Variants in STK39 observed in about 807,000 individuals in gnomAD.
STK39 encodes STE20/SPS1-related proline-alanine-rich protein kinase.
In STK39, 20 loss-of-function variants were observed where a neutral mutation model predicts 77.8. The ratio of observed to expected loss-of-function variants is 0.26; its 90% CI spans 0.18 to 0.37. The LOEUF (loss-of-function observed/expected upper bound fraction) is 0.37, where lower values mean the gene tolerates loss of function less well. Ranked by LOEUF, STK39 falls within the 10% of genes least tolerant of loss-of-function variation. The pLI is 1.00. For missense variants in STK39, 479 were observed against 656.5 expected (o/e 0.73, Z 2.95); for synonymous variants, 246 against 234.1 (o/e 1.05, Z -0.47).
At chr2:168,084,296 C>A (rs1686313431) in intron 10 of STK39, among the ~76,000 whole-genome samples, 1 of 152,180 alleles carries the variant, frequency 6.6e-6, no homozygotes, top group South Asian at 2.1e-4. Context: ...TCACTCCAGT[C>A]ACTACTGACA....
At chr2:168,191,053 C>T (rs923976139) in intron 1 of STK39, among the ~76,000 whole-genome samples, 2 of 152,196 alleles carry the variant, frequency 1.3e-5, no homozygotes, top group African/African-American at 4.8e-5. Flanking sequence ...TTCCTTACTG[C>T]TTCAACCTCA....
chr2:168,242,289 A>C (rs1418515118), intron 1 of STK39, among the ~76,000 whole-genome samples: 7 of 152,058 alleles, frequency 4.6e-5, no homozygotes, highest in Non-Finnish European at 4.4e-5. Context: ...GAGGCCGGGC[A>C]CAGTGACTCA....
chr2:168,004,468 C>T (rs751569834), intron 16 of STK39, among the ~76,000 whole-genome samples: 34 of 152,132 alleles, frequency 2.2e-4, no homozygotes, highest in Non-Finnish European at 3.8e-4. Flanking sequence ...CGCGTTGGCT[C>T]ACACCTGTAA....
chr2:168,025,636 A>C (rs545707320), intron 14 of STK39, among the ~76,000 whole-genome samples: 187 of 152,370 alleles, frequency 1.2e-3, no homozygotes, highest in South Asian at 3.9e-3. Flanking sequence ...GGGAGCTGCT[A>C]TTCAGGGAAT....
chr2:168,155,547 T>C (rs796641398), intron 5 of STK39, among the ~76,000 whole-genome samples: 23 of 152,118 alleles, frequency 1.5e-4, no homozygotes, highest in African/African-American at 5.6e-4. Context: ...TTCGGTTCAC[T>C]ATAAAGCACT....
intron 5 of STK39, among the ~76,000 whole-genome samples, chr2:168,159,695 G>A (rs1211025130): frequency 6.6e-6 from 1 of 152,132 alleles, no homozygotes; most frequent in East Asian, 1.9e-4. Context: ...GTACATTTAG[G>A]TGCCTGTCAA....
chr2:168,165,805 A>G (rs3769381), intron 3 of STK39, among the ~76,000 whole-genome samples: 17,583 of 151,804 alleles, frequency 0.12, 2,058 homozygotes, highest in East Asian at 0.32. Context: ...GAAAACATTA[A>G]AACACCTCCC....
intron 5 of STK39, among the ~76,000 whole-genome samples, chr2:168,140,999 A>G (rs1180396502): frequency 6.6e-6 from 1 of 152,140 alleles, no homozygotes; most frequent in Non-Finnish European, 1.5e-5. Flanking sequence ...TTAGCATACC[A>G]AATTAAATAT....
At chr2:168,084,607 C>T (rs536829900) in intron 10 of STK39, among the ~76,000 whole-genome samples, 3 of 152,158 alleles carry the variant, frequency 2.0e-5, no homozygotes, top group Non-Finnish European at 2.9e-5. Context: ...AAGTGGGAAG[C>T]GGAAATGCAC....
intron 16 of STK39, among the ~76,000 whole-genome samples, chr2:167,984,350 C>T (rs1005358374): frequency 6.6e-5 from 10 of 152,056 alleles, no homozygotes; most frequent in Non-Finnish European, 8.8e-5. Context: ...GGGTAGGATT[C>T]GAGAGGGAGG....
intron 8 of STK39, among the ~76,000 whole-genome samples, chr2:168,131,549 T>C (rs2105510747): frequency 6.6e-6 from 1 of 152,324 alleles, no homozygotes. Flanking sequence ...ACTGTGTAAG[T>C]CTACAGGGGC....
chr2:168,214,388 T>C (rs1410058769), intron 1 of STK39, among the ~76,000 whole-genome samples: 1 of 152,218 alleles, frequency 6.6e-6, no homozygotes, highest in Non-Finnish European at 1.5e-5. Flanking sequence ...ATATTCTGGA[T>C]AGTGTATCCA....
At chr2:168,109,522 T>G (rs904616496) in intron 10 of STK39, among the ~76,000 whole-genome samples, 1 of 152,220 alleles carries the variant, frequency 6.6e-6, no homozygotes, top group Non-Finnish European at 1.5e-5. Context: ...TGAAAATTAT[T>G]GCAAACATCT....
At position 168,083,945 on chromosome 2, in the gene STK39, T is replaced by G. The variant is rs376271774; in HGVS notation, c.1090-8714A>C. Among the ~76,000 whole-genome samples the G allele has an allele frequency of 1.1e-4, 17 of 152,066 alleles. No homozygotes were observed. In the East Asian group the frequency reaches 1.4e-3, roughly 12 times the overall value. The stretch of plus-strand genomic sequence containing the variant: ...CTGCCACAGGGAGACAGCCCCAGCA[T>G]AGCCAGATCTTCTGATTCTTCTAGA... On this transcript the variant is annotated intron_variant, in intron 10 of 17. Coordinates refer to ENST00000355999, the MANE Select transcript of STK39 (RefSeq NM_013233.3).
At chr2:168,143,342 G>GT (rs1405752083) in intron 5 of STK39, among the ~76,000 whole-genome samples, 1 of 152,170 alleles carries the variant, frequency 6.6e-6, no homozygotes, top group African/African-American at 2.4e-5. Context: ...AGCCTCCTAA[G>GT]TTCCCATCTC....
At chr2:168,026,005 G>A (rs1199843110) in intron 14 of STK39, among the ~76,000 whole-genome samples, 1 of 152,148 alleles carries the variant, frequency 6.6e-6, no homozygotes, top group Non-Finnish European at 1.5e-5. Context: ...GTAAAAAGGG[G>A]AAATAATGCT....
intron 5 of STK39, among the ~76,000 whole-genome samples, chr2:168,150,855 T>C (rs1345116095): frequency 2.0e-5 from 3 of 152,072 alleles, no homozygotes; most frequent in Admixed American, 6.5e-5. Context: ...CCCATCTTGC[T>C]TGGGAGAGAA....
intron 17 of STK39, among the ~76,000 whole-genome samples, chr2:167,956,728 T>TCCCCCCCCCC (rs1235889078): frequency 3.7e-5 from 2 of 53,566 alleles, no homozygotes; most frequent in Non-Finnish European, 6.8e-5. Context: ...TCTCTCTCTC[T>TCCCCCCCCCC]CCCCCCCCGC....
At chr2:168,164,655 C>T (rs1168907373) in intron 3 of STK39, among the ~76,000 whole-genome samples, 1 of 147,356 alleles carries the variant, frequency 6.8e-6, no homozygotes, top group Non-Finnish European at 1.5e-5. Context: ...GATCTGCCCA[C>T]CTTTGGCCTC....
Sources: allele counts gnomAD v4.1 joint callset (sites outside exome capture counted in the v4.1 genomes callset), GRCh38; gene constraint gnomAD v4.1.1; transcripts MANE v1.5; gene names NCBI Gene and HGNC (gene_info 2026-07-23, HGNC 2026-07-21).